WDPCP: variants seen among roughly 807,000 people sequenced by gnomAD.
WDPCP encodes the protein WD repeat containing planar cell polarity effector, also known as WD repeat-containing and planar cell polarity effector protein fritz homolog.
WDPCP carries 71 observed loss-of-function variants against 93.1 expected under a neutral mutation model. The ratio of observed to expected loss-of-function variants is 0.76; its 90% CI spans 0.63 to 0.93. WDPCP has a LOEUF of 0.93. Among genes scored for constraint, WDPCP ranks in the 40% least tolerant of loss-of-function variants. The pLI is 0.00. For synonymous variants in WDPCP, 315 were observed against 315.0 expected (o/e 1.00, Z 0.00); for missense variants, 844 against 887.4 (o/e 0.95, Z 0.62).
chr2:63,571,295 C>G (rs1707480585), intron 1 of WDPCP: 2 of 438,628 alleles, frequency 4.6e-6, no homozygotes, highest in African/African-American at 2.0e-5. Context: ...TGCCACAAAC[C>G]TCACAGAAGA....
At chr2:63,717,579 G>T (rs1350611338) in intron 2 of WDPCP, 2 of 523,032 alleles carry the variant, frequency 3.8e-6, no homozygotes, top group Admixed American at 3.9e-5. Flanking sequence ...CTGATTCATG[G>T]TATACCTGTC....
At chr2:63,536,189 C>T (rs1380493136) in intron 1 of WDPCP, among the ~76,000 whole-genome samples, 6 of 152,188 alleles carry the variant, frequency 3.9e-5, no homozygotes, top group East Asian at 3.9e-4. Flanking sequence ...GTTAGAATGG[C>T]GATCATTAAA....
chr2:63,240,737 CT>C (rs1679797992), intron 14 of WDPCP, among the ~76,000 whole-genome samples: 1 of 152,158 alleles, frequency 6.6e-6, no homozygotes, highest in African/African-American at 2.4e-5. Flanking sequence ...GCATAATTTG[CT>C]AGTCTAATAA....
intron 3 of WDPCP, among the ~76,000 whole-genome samples, chr2:63,639,289 T>C (rs1709954871): frequency 6.6e-6 from 1 of 152,134 alleles, no homozygotes; most frequent in African/African-American, 2.4e-5. Flanking sequence ...ATTACAAACA[T>C]GCGCCATCAT....
At chr2:63,268,015 G>A (rs983571556) in intron 13 of WDPCP, among the ~76,000 whole-genome samples, 14 of 152,044 alleles carry the variant, frequency 9.2e-5, no homozygotes, top group Non-Finnish European at 1.6e-4. Flanking sequence ...GCAGATGTTG[G>A]TACTCCCATA....
At chr2:63,137,771 ATAGC>A (rs971946097) in intron 17 of WDPCP, among the ~76,000 whole-genome samples, 1 of 152,148 alleles carries the variant, frequency 6.6e-6, no homozygotes, top group African/African-American at 2.4e-5. Context: ...TTTTCTACAT[ATAGC>A]TAGCTACTTA....
intron 2 of WDPCP, among the ~76,000 whole-genome samples, chr2:63,651,454 A>AACACACACAC (rs140128523): frequency 0.049 from 7,194 of 147,618 alleles, 204 homozygotes; most frequent in African/African-American, 0.095. Flanking sequence ...ATGTGTGTAC[A>AACACACACAC]ACACACACAC....
At chr2:63,522,661 C>T (rs950359440) in intron 1 of WDPCP, among the ~76,000 whole-genome samples, 2 of 152,066 alleles carry the variant, frequency 1.3e-5, no homozygotes, top group Non-Finnish European at 2.9e-5. Flanking sequence ...ATACCAAAAA[C>T]CCTCAGAGAC....
At chr2:63,587,828 G>A (rs1202601960) in intron 1 of WDPCP, among the ~76,000 whole-genome samples, 2 of 152,342 alleles carry the variant, frequency 1.3e-5, no homozygotes, top group East Asian at 3.9e-4. Context: ...GATGGTTTAA[G>A]GCGCATCCTG....
intron 12 of WDPCP, among the ~76,000 whole-genome samples, chr2:63,338,559 AAAAAAAAAAAATATAT>A (rs1688576208): frequency 3.2e-5 from 2 of 61,758 alleles, no homozygotes; most frequent in African/African-American, 1.5e-4. Context: ...TCTAAAAAAA[AAAAAAAAAAAATATAT>A]ATATATATAT....
intron 12 of WDPCP, among the ~76,000 whole-genome samples, chr2:63,370,133 T>TAAC (rs1398198765): frequency 6.6e-6 from 1 of 152,156 alleles, no homozygotes; most frequent in Admixed American, 6.6e-5. Flanking sequence ...CTGATTAGTA[T>TAAC]AACAACTTTT....
chr2:63,238,018 A>C (rs1338020668), intron 14 of WDPCP, among the ~76,000 whole-genome samples: 2 of 149,362 alleles, frequency 1.3e-5, no homozygotes, highest in Non-Finnish European at 3.0e-5. Flanking sequence ...AAAAAACAAC[A>C]AAATGCAGCT....
intron 13 of WDPCP, among the ~76,000 whole-genome samples, chr2:63,309,471 C>T (rs1005958114): frequency 6.6e-6 from 1 of 152,090 alleles, no homozygotes; most frequent in Non-Finnish European, 1.5e-5. Flanking sequence ...GTCTGAGCAA[C>T]ATAGTGAGAC....
chr2:63,229,967 G>C, intron 14 of WDPCP: 1 of 152,280 alleles, frequency 6.6e-6, no homozygotes, highest in East Asian at 1.9e-4. Context: ...TTAAGTTCTA[G>C]GGTACGTGTG....
chr2:63,682,645 C>A (rs1668728785), intron 2 of WDPCP, among the ~76,000 whole-genome samples: 1 of 151,974 alleles, frequency 6.6e-6, no homozygotes, highest in Non-Finnish European at 1.5e-5. Context: ...TAACAGAGAA[C>A]TTTCTAAACC....
At chr2:63,777,322 G>A (rs1670319110) in intron 2 of WDPCP, among the ~76,000 whole-genome samples, 1 of 152,150 alleles carries the variant, frequency 6.6e-6, no homozygotes, top group African/African-American at 2.4e-5. Flanking sequence ...CCAACAATTG[G>A]TGAGGATGTG....
intron 12 of WDPCP, among the ~76,000 whole-genome samples, chr2:63,316,206 T>A (rs776698407): frequency 2.0e-5 from 3 of 151,892 alleles, no homozygotes; most frequent in Non-Finnish European, 4.4e-5. Flanking sequence ...AATGAAAAAG[T>A]CTAATATGAC....
intron 1 of WDPCP, among the ~76,000 whole-genome samples, chr2:63,521,095 C>T (rs1702895973): frequency 6.6e-6 from 1 of 152,064 alleles, no homozygotes. Flanking sequence ...TGTCACCAGC[C>T]ACTACAAAAC....
chr2:63,546,379 A>G (rs962015852), intron 1 of WDPCP, among the ~76,000 whole-genome samples: 5 of 152,214 alleles, frequency 3.3e-5, no homozygotes, highest in Non-Finnish European at 7.3e-5. Flanking sequence ...AGGGGATCTA[A>G]TAGACAATCC....
Sources: allele counts gnomAD v4.1 joint callset (sites outside exome capture counted in the v4.1 genomes callset), GRCh38; gene constraint gnomAD v4.1.1; transcripts MANE v1.5; gene names NCBI Gene and HGNC (gene_info 2026-07-23, HGNC 2026-07-21).